Variants in TRPM3 observed in about 807,000 individuals in gnomAD.
TRPM3 encodes the protein long transient receptor potential channel 3.
A neutral mutation model predicts 181.2 loss-of-function variants in TRPM3; 77 were observed. The observed-to-expected ratio is 0.42, with a 90% CI of 0.35 to 0.51. The LOEUF is 0.51. TRPM3 is among the 20% of genes least tolerant of loss of function. The pLI, the probability that TRPM3 is intolerant of heterozygous loss-of-function variation, is 0.01. For synonymous variants in TRPM3, 745 were observed against 796.4 expected, an observed-to-expected ratio of 0.94 and a Z score of 1.09; for missense variants, 1,759 against 2,196.7, an observed-to-expected ratio of 0.80 and a Z score of 3.98.
intron 1 of TRPM3, among the ~76,000 whole-genome samples, chr9:71,301,263 T>G (rs1200859972): frequency 2.0e-5 from 3 of 152,152 alleles, no homozygotes; most frequent in Admixed American, 2.0e-4. Context: ...AAAGAATGTT[T>G]GGGGACCTGA....
intron 16 of TRPM3, 118 bp from the exon 17 acceptor site, chr9:70,619,213 G>A: frequency 3.9e-6 from 3 of 775,788 alleles, no homozygotes; most frequent in Non-Finnish European, 6.3e-6. Flanking sequence ...TGTTTCATAT[G>A]GGGTCTAGTC....
At chr9:71,036,858 T>A (rs999263541) in intron 1 of TRPM3, among the ~76,000 whole-genome samples, 5 of 152,202 alleles carry the variant, frequency 3.3e-5, no homozygotes. Flanking sequence ...ACACATGTAC[T>A]CAAATATGAG....
At chr9:71,178,520 T>C (rs2077228929) in intron 1 of TRPM3, among the ~76,000 whole-genome samples, 4 of 152,166 alleles carry the variant, frequency 2.6e-5, no homozygotes. Flanking sequence ...ACATCAAAGA[T>C]GTTTAAGAGT....
At chr9:70,686,186 A>G (rs1193895016) in intron 8 of TRPM3, among the ~76,000 whole-genome samples, 12 of 151,992 alleles carry the variant, frequency 7.9e-5, no homozygotes, top group Non-Finnish European at 1.0e-4. Context: ...ATATATGTAC[A>G]TATACATATA....
intron 8 of TRPM3, among the ~76,000 whole-genome samples, chr9:70,692,865 T>C (rs1196897549): frequency 6.8e-6 from 1 of 146,990 alleles, no homozygotes; most frequent in Non-Finnish European, 1.5e-5. Flanking sequence ...AACATGAGGT[T>C]TGGGGTTTTT....
chr9:71,413,936 T>G (rs1038725377), intron 1 of TRPM3, among the ~76,000 whole-genome samples: 2 of 152,072 alleles, frequency 1.3e-5, no homozygotes, highest in Non-Finnish European at 2.9e-5. Context: ...CTGAGCATGT[T>G]TATCTCCTCA....
At chr9:71,181,590 C>T (rs1587820197) in intron 1 of TRPM3, among the ~76,000 whole-genome samples, 1 of 152,062 alleles carries the variant, frequency 6.6e-6, no homozygotes, top group East Asian at 1.9e-4. Context: ...ATTTTACAAT[C>T]ACTACCTTAT....
intron 6 of TRPM3, among the ~76,000 whole-genome samples, chr9:70,787,359 CTTAT>C (rs2083917998): frequency 6.6e-6 from 1 of 152,088 alleles, no homozygotes; most frequent in Non-Finnish European, 1.5e-5. Context: ...CAAATTCTCT[CTTAT>C]TTTTTTCAGT....
intron 3 of TRPM3, among the ~76,000 whole-genome samples, chr9:70,853,760 C>T (rs1410572302): frequency 6.6e-6 from 1 of 151,822 alleles, no homozygotes; most frequent in African/African-American, 2.4e-5. Flanking sequence ...GGATGTTGCC[C>T]GTTATTTGTG....
At chr9:70,563,920 T>C (rs2132045387) in intron 22 of TRPM3, among the ~76,000 whole-genome samples, 1 of 152,322 alleles carries the variant, frequency 6.6e-6, no homozygotes, top group South Asian at 2.1e-4. Flanking sequence ...CCTCTGTGGT[T>C]TTCTCTTAGG....
At chr9:71,225,548 T>C (rs772910054) in intron 1 of TRPM3, among the ~76,000 whole-genome samples, 15 of 152,152 alleles carry the variant, frequency 9.9e-5, no homozygotes, top group Non-Finnish European at 2.1e-4. Flanking sequence ...TGTACAAAAC[T>C]CACTGCTAAT....
chr9:71,087,063 C>A lies in TRPM3; in HGVS notation c.177+34115G>T, dbSNP rs146114567. On this transcript the variant is annotated intron_variant, in intron 1 of 25. Transcript: ENST00000677713. ...TCTGATTCTTGAAAATTTTTGGACA[C>A]CATTGCTTGTCTCTTCGTGGCCTCA... 7.7e-4 allele frequency among the ~76,000 whole-genome samples: 117 copies of A among 152,104 alleles called. No individual in the cohort carries two copies. The East Asian group carries it at 0.02, about 26-fold the overall frequency.
intron 22 of TRPM3, among the ~76,000 whole-genome samples, chr9:70,568,924 A>C (rs923315764): frequency 1.3e-5 from 2 of 152,238 alleles, no homozygotes; most frequent in Admixed American, 1.3e-4. Context: ...CTATAAAGTG[A>C]GTTTGGCTAA....
chr9:70,916,162 A>G (rs1286693107), intron 1 of TRPM3, among the ~76,000 whole-genome samples: 1 of 152,184 alleles, frequency 6.6e-6, no homozygotes, highest in Admixed American at 6.5e-5. Context: ...TCCTTCAAAC[A>G]TGAAGGGGAA....
intron 7 of TRPM3, among the ~76,000 whole-genome samples, chr9:70,773,005 G>T (rs1165081378): frequency 6.6e-6 from 1 of 152,032 alleles, no homozygotes; most frequent in Non-Finnish European, 1.5e-5. Flanking sequence ...GAGCTGGACT[G>T]AATTTTTGGG....
chr9:70,603,930 C>G (rs1291233082), intron 19 of TRPM3, among the ~76,000 whole-genome samples: 2 of 152,228 alleles, frequency 1.3e-5, no homozygotes, highest in Non-Finnish European at 2.9e-5. Flanking sequence ...CATGTAACAC[C>G]TGTAAATTGG....
At position 70,532,918 on chromosome 9, in the gene TRPM3, G is replaced by C. The variant is rs1021869186; in HGVS notation, c.*3035C>G. Reference sequence around the variant, plus strand: ...AGAATCAATGCCACATTGCTGCACAGAGAACCCAGAAATGGAAGGAAATGG... The same window carrying C: ...AGAATCAATGCCACATTGCTGCACACAGAACCCAGAAATGGAAGGAAATGG... On this transcript the variant is annotated 3_prime_UTR_variant, in exon 26 of 26. Transcript: ENST00000677713. 2.6e-5 allele frequency: 4 copies of C among 152,168 alleles called. No individual in the cohort carries two copies. The highest frequency in any genetic ancestry group is 4.4e-5 in the Non-Finnish European group (3 of 68,044). 9.4% of individuals were successfully genotyped at this position (152,168 alleles called of 1,614,324 possible).
intron 1 of TRPM3, among the ~76,000 whole-genome samples, chr9:71,077,684 C>T (rs1286769020): frequency 6.6e-6 from 1 of 152,106 alleles, no homozygotes; most frequent in Non-Finnish European, 1.5e-5. Flanking sequence ...TTTTTACCCA[C>T]ACTCTGCCCG....
intron 1 of TRPM3, among the ~76,000 whole-genome samples, chr9:71,414,355 G>T (rs1207360132): frequency 6.6e-6 from 1 of 151,970 alleles, no homozygotes; most frequent in African/African-American, 2.4e-5. Flanking sequence ...TCGATGTTGT[G>T]AAACAGACTT....
Sources: allele counts gnomAD v4.1 joint callset (sites outside exome capture counted in the v4.1 genomes callset), GRCh38; gene constraint gnomAD v4.1.1; transcripts MANE v1.5; gene names NCBI Gene and HGNC (gene_info 2026-07-23, HGNC 2026-07-21).